ADCY2: variants seen among roughly 807,000 people sequenced by gnomAD.
The protein encoded by ADCY2 is adenylate cyclase 2.
A neutral mutation model predicts 125.2 loss-of-function variants in ADCY2; 31 were observed. That is an observed-to-expected ratio of 0.25 (90% CI 0.19 to 0.33). The LOEUF is 0.33. Ranked by LOEUF, ADCY2 falls within the 10% of genes least tolerant of loss-of-function variation. ADCY2 has a pLI of 1.00. For missense variants in ADCY2, 904 were observed against 1,418.2 expected, an observed-to-expected ratio of 0.64 and a Z score of 5.82; for synonymous variants, 512 against 548.4, an observed-to-expected ratio of 0.93 and a Z score of 0.93.
chr5:7,439,464 A>G (rs375756586), intron 2 of ADCY2, among the ~76,000 whole-genome samples: 18 of 152,048 alleles, frequency 1.2e-4, no homozygotes, highest in African/African-American at 4.1e-4. Flanking sequence ...CCCACCCTTG[A>G]CACATGGGGA....
chr5:7,673,881 G>A (rs910395889), intron 4 of ADCY2, among the ~76,000 whole-genome samples: 1 of 152,174 alleles, frequency 6.6e-6, no homozygotes, highest in Non-Finnish European at 1.5e-5. Context: ...GCATGTCTGT[G>A]AGGCCACTGG....
At chr5:7,732,914 T>C (rs1164906997) in intron 14 of ADCY2, among the ~76,000 whole-genome samples, 2 of 152,204 alleles carry the variant, frequency 1.3e-5, no homozygotes. Flanking sequence ...ATTAAATTAT[T>C]GGTTGACTCC....
At chr5:7,777,411 A>G (rs1328556605) in intron 18 of ADCY2, among the ~76,000 whole-genome samples, 1 of 152,210 alleles carries the variant, frequency 6.6e-6, no homozygotes, top group African/African-American at 2.4e-5. Context: ...TGAATGAACA[A>G]AAGCATGTCA....
intron 6 of ADCY2, among the ~76,000 whole-genome samples, chr5:7,697,205 A>G (rs1258017254): frequency 6.6e-6 from 1 of 152,146 alleles, no homozygotes; most frequent in East Asian, 1.9e-4. Flanking sequence ...ATTCACAGGT[A>G]TCAGGACTGA....
intron 4 of ADCY2, among the ~76,000 whole-genome samples, chr5:7,689,566 C>T (rs183437523): frequency 2.6e-4 from 40 of 152,190 alleles, no homozygotes; most frequent in Admixed American, 1.0e-3. Flanking sequence ...GAATGTACTC[C>T]TAACCCACCC....
chr5:7,748,018 C>T (rs10078378), intron 15 of ADCY2, among the ~76,000 whole-genome samples: 48,742 of 152,152 alleles, frequency 0.32, 9,547 homozygotes, highest in Non-Finnish European at 0.44. Flanking sequence ...CATCCTGCTC[C>T]GCATTCTGGC....
At chr5:7,490,184 TTTTC>T (rs1743107732) in intron 2 of ADCY2, among the ~76,000 whole-genome samples, 1 of 152,054 alleles carries the variant, frequency 6.6e-6, no homozygotes, top group South Asian at 2.1e-4. Context: ...CATTAGTTCT[TTTTC>T]TTATTACAAC....
chr5:7,748,586 C>T (rs1742710407), intron 15 of ADCY2, among the ~76,000 whole-genome samples: 1 of 150,528 alleles, frequency 6.6e-6, no homozygotes, highest in Non-Finnish European at 1.5e-5. Flanking sequence ...AAGCTGTAAT[C>T]AGGCTTCTTG....
At chr5:7,706,606 T>C (rs1451636307) in intron 7 of ADCY2, 138 bp from the exon 8 acceptor site, 2 of 918,468 alleles carry the variant, frequency 2.2e-6, no homozygotes, top group African/African-American at 3.3e-5. Flanking sequence ...AGAGGAGTGA[T>C]CTCCTGCCAT....
At chr5:7,625,171 G>C (rs765276207) in intron 3 of ADCY2, among the ~76,000 whole-genome samples, 1 of 152,158 alleles carries the variant, frequency 6.6e-6, no homozygotes, top group Non-Finnish European at 1.5e-5. Context: ...ATAATGCAAT[G>C]CACAGAATAT....
chr5:7,654,211 T>C (rs750655663), intron 4 of ADCY2: 5 of 453,150 alleles, frequency 1.1e-5, no homozygotes, highest in South Asian at 7.8e-5. Flanking sequence ...GCATGGTGTC[T>C]AGACAGAGAC....
chr5:7,408,705 A>G (rs760696203), intron 1 of ADCY2, among the ~76,000 whole-genome samples: 1 of 152,146 alleles, frequency 6.6e-6, no homozygotes. Context: ...GCAAAAAAAC[A>G]AAAAACCAAA....
chr5:7,568,432 C>CT (rs528341834), intron 3 of ADCY2, among the ~76,000 whole-genome samples: 94 of 148,290 alleles, frequency 6.3e-4, no homozygotes, highest in African/African-American at 2.0e-3. Flanking sequence ...TTTGACAGCC[C>CT]TTTTTTTTTT....
intron 3 of ADCY2, among the ~76,000 whole-genome samples, chr5:7,584,021 A>C (rs1422064752): frequency 6.6e-6 from 1 of 152,144 alleles, no homozygotes; most frequent in Non-Finnish European, 1.5e-5. Context: ...CTGGATGAAA[A>C]ATAGCAGAAA....
At position 7,816,879 on chromosome 5, in the gene ADCY2, A is replaced by G; in HGVS notation, c.2897A>G (p.Gln966Arg). The G allele has an allele frequency of 6.2e-7, 1 of 1,614,128 alleles. No homozygotes were observed. Among genetic ancestry groups the G allele is most frequent in the Non-Finnish European group, 8.5e-7 (1 of 1,179,978 alleles). Residue 966 changes from glutamine (Q) to arginine (R), a missense_variant, in exon 23 of 25, where the codon CAG becomes CGG. Coordinates refer to ENST00000338316, the MANE Select transcript of ADCY2 (RefSeq NM_020546.3). ...GTTTGTTCTCAGGAGCCCGAGCGGCAGTACATGCACATTGGCACCATGGTG... is the reference window on the plus strand; with the variant it reads ...GTTTGTTCTCAGGAGCCCGAGCGGCGGTACATGCACATTGGCACCATGGTG... ...SQEHSQEPER[Q>R]YMHIGTMVEF...
chr5:7,791,777 A>G (rs543069092), intron 20 of ADCY2, among the ~76,000 whole-genome samples: 2 of 152,232 alleles, frequency 1.3e-5, no homozygotes, highest in African/African-American at 2.4e-5. Context: ...TACAGAGATG[A>G]ATGGGATTAG....
Position 7,724,621 on chromosome 5 carries a change from T to G in ADCY2, c.1773+7T>G. The G allele has an allele frequency of 6.4e-7, 1 of 1,553,230 alleles. No homozygotes were observed. The highest frequency in any genetic ancestry group is 8.7e-7 in the Non-Finnish European group (1 of 1,146,244). ...CAAAGTACTAGAAAAAGAGGTAAGT[T>G]TTTTTCTTCTTCAAAATCATCAATC... On this transcript the variant is annotated splice_region_variant and intron_variant, in intron 13 of 24. Transcript: ENST00000338316.
chr5:7,547,443 G>A (rs1212803261), intron 3 of ADCY2, among the ~76,000 whole-genome samples: 2 of 152,192 alleles, frequency 1.3e-5, no homozygotes, highest in Admixed American at 1.3e-4. Flanking sequence ...TCATAGGTAT[G>A]GGTCTCGCAT....
intron 3 of ADCY2, among the ~76,000 whole-genome samples, chr5:7,589,518 A>AAG (rs1554022229): frequency 1.1e-3 from 107 of 98,424 alleles, no homozygotes; most frequent in African/African-American, 3.3e-3. Context: ...AAGAAAAGAA[A>AAG]AGAAAGAGAA....
Sources: gnomAD v4.1 joint callset for allele counts (sites outside exome capture counted in the v4.1 genomes callset) on GRCh38, gnomAD v4.1.1 for gene constraint, MANE v1.5 for transcripts, NCBI Gene and HGNC (gene_info 2026-07-23, HGNC 2026-07-21) for gene names.